Variants in POC1B observed in about 807,000 individuals in gnomAD.
POC1B encodes the protein POC1 centriolar protein B, also known as POC1 centriolar protein homolog B.
A neutral mutation model predicts 60.6 loss-of-function variants in POC1B; 44 were observed. The ratio of observed to expected loss-of-function variants is 0.73; its 90% CI spans 0.57 to 0.93. The LOEUF is 0.93. POC1B is among the 40% of genes least tolerant of loss of function. POC1B has a pLI of 0.00. For missense variants in POC1B, 555 were observed against 572.3 expected, an observed-to-expected ratio of 0.97 and a Z score of 0.31; for synonymous variants, 180 against 198.9, an observed-to-expected ratio of 0.90 and a Z score of 0.80.
rs753593767 is a variant in POC1B, at chr12:89,523,734, CT to C, written c.100+1385del. The stretch of plus-strand genomic sequence containing the variant: ...GCCAGTCAAACCCACCAATCATGGG[CT>C]CCCCTATCTGCATATAGAATTCAAA... On this transcript the variant is annotated intron_variant, in intron 2 of 11. Coordinates refer to ENST00000313546, the MANE Select transcript of POC1B (RefSeq NM_172240.3). 28 of 1,547,592 alleles carry C rather than the reference CT, an allele frequency of 1.8e-5. No individual in the cohort carries two copies. The African/African-American group carries it at 3.6e-4, about 20-fold the overall frequency.
chr12:89,448,646 A>G (rs143592090), intron 10 of POC1B, among the ~76,000 whole-genome samples: 1,671 of 152,356 alleles, frequency 0.011, 16 homozygotes, highest in South Asian at 0.022. Flanking sequence ...AAGACATGAC[A>G]GATCAAATAA....
chr12:89,459,149 C>G (rs7980809), intron 10 of POC1B, among the ~76,000 whole-genome samples: 2,606 of 152,006 alleles, frequency 0.017, 87 homozygotes, highest in African/African-American at 0.06. Flanking sequence ...GAAATGTTAC[C>G]TGGGTGGCAT....
At chr12:89,512,935 G>A (rs1870257050) in intron 2 of POC1B, among the ~76,000 whole-genome samples, 1 of 152,116 alleles carries the variant, frequency 6.6e-6, no homozygotes, top group South Asian at 2.1e-4. Context: ...CAATAAACCA[G>A]TGCTTCTCAA....
rs1171047712 is a variant in POC1B, at chr12:89,420,229, C to A, written c.*924G>T. The A allele has an allele frequency of 6.6e-6, 1 of 152,100 alleles. No homozygotes were observed. Among genetic ancestry groups the A allele is most frequent in the Non-Finnish European group, 1.5e-5 (1 of 68,000 alleles). 9.4% of individuals were successfully genotyped at this position (152,100 alleles called of 1,614,324 possible). On this transcript the variant is annotated 3_prime_UTR_variant, in exon 12 of 12. Transcript: ENST00000313546. ...CTTATTTTCATTTTGTTTTAAATCA[C>A]AATTCATTAAATAGGAAGATGATGA...
At chr12:89,512,082 GGA>G (rs1307452573) in intron 2 of POC1B, among the ~76,000 whole-genome samples, 1 of 152,094 alleles carries the variant, frequency 6.6e-6, no homozygotes, top group Admixed American at 6.5e-5. Flanking sequence ...TGGAAGTGAG[GGA>G]GAGGGTTGTA....
At chr12:89,495,615 G>A (rs1869207063) in intron 3 of POC1B, among the ~76,000 whole-genome samples, 1 of 152,146 alleles carries the variant, frequency 6.6e-6, no homozygotes, top group African/African-American at 2.4e-5. Flanking sequence ...ATCTTCTAAA[G>A]CAGTGGTCCC....
chr12:89,524,926 C>T, intron 2 of POC1B, 194 bp downstream of exon 2: 3 of 889,814 alleles, frequency 3.4e-6, no homozygotes, highest in Non-Finnish European at 3.3e-6. Flanking sequence ...CTTGGCCGGG[C>T]CGGGGGCTGG....
At chr12:89,414,037 G>A in the POC1B span, among the ~76,000 whole-genome samples, 206 of 152,082 alleles carry the variant, frequency 1.4e-3, 1 homozygote, top group African/African-American at 4.5e-3. Flanking sequence ...GATTACAGGC[G>A]CCCATCATCA....
intron 10 of POC1B, among the ~76,000 whole-genome samples, chr12:89,442,380 A>T (rs1023671657): frequency 3.3e-5 from 5 of 152,222 alleles, no homozygotes; most frequent in Non-Finnish European, 5.9e-5. Flanking sequence ...CCACAAAGGG[A>T]AGCCCATCAG....
At chr12:89,412,672 G>A in the POC1B span, among the ~76,000 whole-genome samples, 22 of 99,276 alleles carry the variant, frequency 2.2e-4, 1 homozygote, top group East Asian at 2.7e-3. Flanking sequence ...GTAAGACTCC[G>A]TCTCAAAAAA....
At chr12:89,461,360 A>T (rs944824817) in intron 9 of POC1B, 2 of 152,212 alleles carry the variant, frequency 1.3e-5, no homozygotes, top group African/African-American at 4.8e-5. Context: ...TTCATGGCAT[A>T]GTGGAAGAAT....
At chr12:89,417,889 T>C (rs1327874048), downstream of POC1B, among the ~76,000 whole-genome samples, 5 of 152,226 alleles carry the variant, frequency 3.3e-5, no homozygotes, top group Non-Finnish European at 5.9e-5. Flanking sequence ...CAGGAATTAA[T>C]CATAGCTGAG....
At chr12:89,401,720 C>T in the POC1B span, among the ~76,000 whole-genome samples, 1 of 152,186 alleles carries the variant, frequency 6.6e-6, no homozygotes, top group African/African-American at 2.4e-5. Flanking sequence ...AAATCCTTCT[C>T]AAGATGGGTC....
Position 89,470,474 on chromosome 12 carries a change from A to G in POC1B, c.697T>C (p.Cys233Arg), listed in dbSNP as rs144034808. The G allele has an allele frequency of 6.7e-5, 107 of 1,607,500 alleles. No homozygotes were observed. Among genetic ancestry groups the G allele is most frequent in the Non-Finnish European group, 8.7e-5 (102 of 1,175,348 alleles). The change falls in exon 7 of 12, where the codon TGC (cysteine) becomes CGC (arginine). Residue 233 changes from cysteine to arginine, a missense_variant. Transcript: ENST00000313546. ...HYQVHSGGVN[C>R]ISFHPSGNYL... ...TTACCCGAAGGATGGAATGATATGC[A>G]ATTAACTCCACCGCTGTGAACTGAT...
At chr12:89,515,531 G>A (rs948421949) in intron 2 of POC1B, among the ~76,000 whole-genome samples, 9 of 152,082 alleles carry the variant, frequency 5.9e-5, no homozygotes, top group African/African-American at 2.2e-4. Context: ...GAGTGATCAG[G>A]GGCATTTTAA....
At chr12:89,477,718 G>C (rs1434898202) in intron 4 of POC1B, among the ~76,000 whole-genome samples, 1 of 151,994 alleles carries the variant, frequency 6.6e-6, no homozygotes, top group African/African-American at 2.4e-5. Context: ...CAACAAAAGT[G>C]ATCTTTAAAT....
chr12:89,431,057 T>C (rs1881009669), intron 10 of POC1B, among the ~76,000 whole-genome samples: 2 of 152,088 alleles, frequency 1.3e-5, no homozygotes, highest in South Asian at 2.1e-4. Flanking sequence ...CCTAAAGGCA[T>C]ACTTGATAGC....
chr12:89,502,877 T>A (rs1869646231), intron 2 of POC1B, among the ~76,000 whole-genome samples: 1 of 152,186 alleles, frequency 6.6e-6, no homozygotes, highest in Non-Finnish European at 1.5e-5. Context: ...TTCAGGTAAC[T>A]ATTATAACAT....
At chr12:89,415,414 C>T (rs767258938), downstream of POC1B, among the ~76,000 whole-genome samples, 6 of 152,022 alleles carry the variant, frequency 3.9e-5, no homozygotes, top group African/African-American at 1.4e-4. Context: ...GAGGCCGAGG[C>T]GGGTGGATCA....
Sources: gnomAD v4.1 joint callset for allele counts (sites outside exome capture counted in the v4.1 genomes callset) on GRCh38, gnomAD v4.1.1 for gene constraint, MANE v1.5 for transcripts, NCBI Gene and HGNC (gene_info 2026-07-23, HGNC 2026-07-21) for gene names.